The following STARD9 variants were observed in gnomAD, a reference collection of about 807,000 sequenced individuals.
STARD9 encodes the protein stAR-related lipid transfer protein 9.
In STARD9, 346 loss-of-function variants were observed where a neutral mutation model predicts 399.8. The ratio of observed to expected loss-of-function variants is 0.87; its 90% confidence interval spans 0.79 to 0.95. STARD9 has a LOEUF of 0.95. STARD9 is among the 40% of genes least tolerant of loss of function. The pLI is 0.00. For missense variants in STARD9, 5,832 were observed against 5,667.5 expected (o/e 1.03, Z -0.93); for synonymous variants, 2,203 against 2,143.5 (o/e 1.03, Z -0.77).
chr15:42,635,260 C>CAA lies in STARD9; in HGVS notation c.351+302_351+303dup, dbSNP rs199906714. Among the ~76,000 whole-genome samples, 96 of 99,954 alleles carry CAA rather than the reference C, an allele frequency of 9.6e-4. No individual in the cohort carries two copies. The East Asian group carries it at 0.017, about 18-fold the overall frequency. The allele number at this position is 99,954 out of a possible 152,430, so 65.6% of individuals were successfully genotyped here. Reference sequence around the variant, plus strand: ...GGGCAACAAGAGCAAAACTCCATCTCAAAAAAAAAAAAAAATGAGTTTTTC... The same window carrying CAA: ...GGGCAACAAGAGCAAAACTCCATCTCAAAAAAAAAAAAAAAAATGAGTTTTTC... On this transcript the variant is annotated intron_variant, in intron 4 of 32. Transcript: ENST00000290607.
chr15:42,652,831 T>G (rs973625028), intron 9 of STARD9, among the ~76,000 whole-genome samples: 3 of 152,040 alleles, frequency 2.0e-5, no homozygotes, highest in African/African-American at 7.2e-5. Flanking sequence ...GACGCCACCA[T>G]GCCCGGCTAA....
chr15:42,705,194 C>A (rs1300523530), intron 26 of STARD9, among the ~76,000 whole-genome samples: 1 of 152,198 alleles, frequency 6.6e-6, no homozygotes, highest in Non-Finnish European at 1.5e-5. Context: ...CGGTGTCTCT[C>A]ATCACTACCT....
intron 3 of STARD9, among the ~76,000 whole-genome samples, chr15:42,585,873 CAAAAG>C (rs1347934364): frequency 2.6e-5 from 4 of 152,186 alleles, no homozygotes; most frequent in South Asian, 2.1e-4. Flanking sequence ...TGGTAGGTAA[CAAAAG>C]AAGCTTATTT....
intron 7 of STARD9, among the ~76,000 whole-genome samples, chr15:42,646,606 G>C (rs959126762): frequency 1.3e-5 from 2 of 152,224 alleles, no homozygotes; most frequent in African/African-American, 4.8e-5. Context: ...TCTGGCTTAG[G>C]AGAATGTTGT....
At chr15:42,717,164 A>G in intron 28 of STARD9, 116 bp downstream of exon 28, 1 of 1,138,176 alleles carries the variant, frequency 8.8e-7, no homozygotes, top group South Asian at 1.5e-5. Flanking sequence ...GCTTGTGGGC[A>G]TCTTCAGTGG....
At chr15:42,588,784 T>G (rs1204501142) in intron 3 of STARD9, among the ~76,000 whole-genome samples, 4 of 17,336 alleles carry the variant, frequency 2.3e-4, no homozygotes, top group Non-Finnish European at 3.8e-4. Context: ...GCGTTTTTTT[T>G]TTTTTTTTTT....
intron 3 of STARD9, among the ~76,000 whole-genome samples, chr15:42,593,654 CTTTTTTT>C (rs71108170): frequency 3.0e-5 from 2 of 66,890 alleles, no homozygotes; most frequent in Non-Finnish European, 5.3e-5. Flanking sequence ...GGTTGTGCTT[CTTTTTTT>C]TTTTTTTTTT....
chr15:42,612,168 G>A (rs1409053071), intron 3 of STARD9, among the ~76,000 whole-genome samples: 1 of 152,118 alleles, frequency 6.6e-6, no homozygotes, highest in African/African-American at 2.4e-5. Context: ...TGTAGAGACA[G>A]GGTCTCTCTA....
intron 26 of STARD9, among the ~76,000 whole-genome samples, chr15:42,704,771 A>G (rs566382121): frequency 6.6e-6 from 1 of 152,212 alleles, no homozygotes; most frequent in South Asian, 2.1e-4. Context: ...TTTCATGCAT[A>G]ATTCGGTCTC....
chr15:42,607,637 CACACACACACTTAT>C (rs1054317481), intron 3 of STARD9, among the ~76,000 whole-genome samples: 13 of 136,254 alleles, frequency 9.5e-5, no homozygotes, highest in Admixed American at 1.7e-4. Flanking sequence ...ATATATTATA[CACACACACACTTAT>C]ACACACACAC....
chr15:42,621,139 T>C (rs904760986), intron 3 of STARD9, among the ~76,000 whole-genome samples: 3 of 152,228 alleles, frequency 2.0e-5, no homozygotes, highest in Non-Finnish European at 4.4e-5. Flanking sequence ...CTGAATTTAC[T>C]TTGATTGCTT....
intron 7 of STARD9, among the ~76,000 whole-genome samples, chr15:42,648,919 A>G (rs1312140527): frequency 2.0e-5 from 3 of 152,062 alleles, no homozygotes; most frequent in African/African-American, 7.2e-5. Flanking sequence ...TTTATTTATT[A>G]GACATGAAGT....
chr15:42,630,757 T>G (rs1331900593), intron 3 of STARD9, among the ~76,000 whole-genome samples: 1 of 152,168 alleles, frequency 6.6e-6, no homozygotes, highest in Non-Finnish European at 1.5e-5. Flanking sequence ...ATTTCTGCAG[T>G]GTCAGTTGTA....
At chr15:42,596,583 AC>A (rs1349415005) in intron 3 of STARD9, among the ~76,000 whole-genome samples, 3 of 152,162 alleles carry the variant, frequency 2.0e-5, no homozygotes, top group Non-Finnish European at 4.4e-5. Context: ...CTTCCCACAT[AC>A]TTGCACAGTA....
At chr15:42,678,837 G>C (rs1455707170) in intron 20 of STARD9, among the ~76,000 whole-genome samples, 1 of 152,216 alleles carries the variant, frequency 6.6e-6, no homozygotes, top group Non-Finnish European at 1.5e-5. Context: ...GTAGTATAAG[G>C]TTGCTATTTT....
intron 3 of STARD9, 44 bp downstream of exon 3, chr15:42,585,681 AT>A: frequency 8.4e-7 from 1 of 1,192,846 alleles, no homozygotes. Flanking sequence ...TTCTTTTTTT[AT>A]GTATAATATT....
rs1047047626 is a variant in STARD9 at position 42,665,774 on chromosome 15, A to G, written c.1255-12A>G. 11 of 1,536,734 alleles carry G rather than the reference A, an allele frequency of 7.2e-6. No homozygotes were observed. Among genetic ancestry groups the G allele is most frequent in the South Asian group, 2.4e-5 (2 of 84,060 alleles). On this transcript the variant is annotated splice_polypyrimidine_tract_variant and intron_variant, in intron 14 of 32. Coordinates refer to ENST00000290607, the MANE Select transcript of STARD9 (RefSeq NM_020759.3). Reference sequence around the variant, plus strand: ...CAGGAAAATATCAAAGCACATCTCTATCTTTGTGCAGAGAAACTTCAGTTC... The same window carrying G: ...CAGGAAAATATCAAAGCACATCTCTGTCTTTGTGCAGAGAAACTTCAGTTC...
chr15:42,688,795 C>A lies in STARD9; in HGVS notation c.7217C>A (p.Ala2406Asp). The A allele has an allele frequency of 6.5e-7, 1 of 1,537,444 alleles. No individual in the cohort carries two copies. The highest frequency in any genetic ancestry group is 1.4e-5 in the African/African-American group (1 of 73,148). Residue 2406 changes from alanine to aspartate, a missense_variant, in exon 23 of 33, where the codon GCC becomes GAC. Physicochemically the swap from Ala to Asp is moderately radical, Grantham distance 126. Coordinates refer to ENST00000290607, the MANE Select transcript of STARD9 (RefSeq NM_020759.3). ...VRGRSSEAHT[A>D]WCGSVRSMAM... is the part of the protein sequence containing the mutation. ...GGGCGTTCCTCTGAGGCACACACTG[C>A]CTGGTGTGGGTCTGTGCGATCCATG...
intron 4 of STARD9, among the ~76,000 whole-genome samples, chr15:42,637,173 A>G (rs1394923750): frequency 6.6e-6 from 1 of 151,252 alleles, no homozygotes; most frequent in Non-Finnish European, 1.5e-5. Context: ...AAAAGAAACT[A>G]CCTCTTTCTA....
Sources: gnomAD v4.1 joint callset for allele counts (sites outside exome capture counted in the v4.1 genomes callset) on GRCh38, gnomAD v4.1.1 for gene constraint, MANE v1.5 for transcripts, NCBI Gene and HGNC (gene_info 2026-07-23, HGNC 2026-07-21) for gene names.